ADCY5: variants seen among roughly 807,000 people sequenced by gnomAD.
ADCY5 encodes adenylate cyclase type 5.
In ADCY5, 30 loss-of-function variants were observed where a neutral mutation model predicts 119.7. The ratio of observed to expected loss-of-function variants is 0.25; its 90% CI spans 0.19 to 0.34. The LOEUF is 0.34. Ranked by LOEUF, ADCY5 falls within the 10% of genes least tolerant of loss-of-function variation. The pLI, the probability that ADCY5 is intolerant of heterozygous loss-of-function variation, is 1.00. For synonymous variants in ADCY5, 753 were observed against 762.2 expected, an observed-to-expected ratio of 0.99 and a Z score of 0.20; for missense variants, 1,324 against 1,775.2, an observed-to-expected ratio of 0.75 and a Z score of 4.57.
chr3:123,434,291 T>A (rs1576694780), intron 1 of ADCY5, among the ~76,000 whole-genome samples: 1 of 152,356 alleles, frequency 6.6e-6, no homozygotes, highest in Non-Finnish European at 1.5e-5. Flanking sequence ...CACATCAGCA[T>A]CACAGGTCTG....
chr3:123,433,008 G>A (rs1576694056), intron 1 of ADCY5, among the ~76,000 whole-genome samples: 1 of 152,174 alleles, frequency 6.6e-6, no homozygotes, highest in African/African-American at 2.4e-5. Context: ...GGCAAGTAGG[G>A]ATCTAAAAAT....
At chr3:123,421,504 T>C (rs113865553) in intron 1 of ADCY5, among the ~76,000 whole-genome samples, 4 of 152,266 alleles carry the variant, frequency 2.6e-5, no homozygotes, top group African/African-American at 9.6e-5. Context: ...TAGTCCTAAA[T>C]CTAGTACCTG....
intron 19 of ADCY5, chr3:123,287,024 C>T (rs1229893685): frequency 1.1e-5 from 6 of 548,318 alleles, no homozygotes; most frequent in African/African-American, 1.9e-5. Context: ...CCTGTGTCCT[C>T]GACACCCCTC....
chr3:123,303,156 G>A lies in ADCY5; in HGVS notation c.2623C>T (p.Gln875Ter), dbSNP rs775132310. 1 of 1,613,916 alleles carries A rather than the reference G, an allele frequency of 6.2e-7. No homozygotes were observed. The highest frequency in any genetic ancestry group is 1.7e-5 in the Admixed American group (1 of 60,030). The stretch of plus-strand genomic sequence containing the variant: ...TCCGCCACGTGACACGCGTTGACCT[G>A]GCTCGCGCTGATGTTGTGCTCCTGT... ...LAQEHNISAS[Q>*]VNACHVAESA... The change falls in exon 14 of 21, where the codon CAG becomes TAG. Residue 875 changes from glutamine (Q) to a stop codon, truncating the protein, a stop_gained. Transcript: ENST00000462833. LOFTEE classifies it high-confidence loss of function.
chr3:123,395,238 A>T (rs1301548751), intron 1 of ADCY5, among the ~76,000 whole-genome samples: 1 of 152,148 alleles, frequency 6.6e-6, no homozygotes, highest in East Asian at 1.9e-4. Context: ...AGGCCTCCCA[A>T]ATTGGTCTCC....
At chr3:123,437,550 A>G (rs1267612422) in intron 1 of ADCY5, among the ~76,000 whole-genome samples, 1 of 152,136 alleles carries the variant, frequency 6.6e-6, no homozygotes, top group Non-Finnish European at 1.5e-5. Flanking sequence ...CGGAATAAAA[A>G]ATGTCTTCCT....
chr3:123,385,881 A>G (rs998077287), intron 1 of ADCY5, among the ~76,000 whole-genome samples: 1 of 152,176 alleles, frequency 6.6e-6, no homozygotes, highest in Non-Finnish European at 1.5e-5. Context: ...GCTGAGAATC[A>G]TCGTCACCAC....
At chr3:123,296,483 G>A (rs1270490018) in intron 16 of ADCY5, among the ~76,000 whole-genome samples, 1 of 152,144 alleles carries the variant, frequency 6.6e-6, no homozygotes, top group Non-Finnish European at 1.5e-5. Flanking sequence ...CATCACTCGG[G>A]AGCTCCCCTC....
chr3:123,398,636 C>T (rs1944669009), intron 1 of ADCY5, among the ~76,000 whole-genome samples: 1 of 152,108 alleles, frequency 6.6e-6, no homozygotes, highest in Non-Finnish European at 1.5e-5. Flanking sequence ...ATATTTCTAC[C>T]CCTACACACA....
At chr3:123,410,607 C>T (rs1235448119) in intron 1 of ADCY5, among the ~76,000 whole-genome samples, 2 of 152,136 alleles carry the variant, frequency 1.3e-5, no homozygotes, top group Admixed American at 6.6e-5. Context: ...AAAATAAAGG[C>T]TCAACAATGG....
intron 1 of ADCY5, among the ~76,000 whole-genome samples, chr3:123,358,819 A>G (rs1422872803): frequency 6.6e-6 from 1 of 152,184 alleles, no homozygotes; most frequent in Non-Finnish European, 1.5e-5. Context: ...GGCTGCCCGC[A>G]GGCTGCAGGT....
intron 1 of ADCY5, among the ~76,000 whole-genome samples, chr3:123,355,968 T>C (rs868566985): frequency 7.9e-5 from 12 of 152,226 alleles, no homozygotes; most frequent in African/African-American, 2.7e-4. Flanking sequence ...GGTAGAAATA[T>C]AGATATATGG....
intron 1 of ADCY5, among the ~76,000 whole-genome samples, chr3:123,439,809 T>G (rs111834386): frequency 6.6e-6 from 1 of 152,168 alleles, no homozygotes; most frequent in East Asian, 1.9e-4. Context: ...TATTATAAGG[T>G]AGGCACCTAA....
At chr3:123,446,911 TAGAC>T (rs1246387221) in intron 1 of ADCY5, among the ~76,000 whole-genome samples, 2 of 152,160 alleles carry the variant, frequency 1.3e-5, no homozygotes, top group African/African-American at 4.8e-5. Flanking sequence ...TCCCCAGCCT[TAGAC>T]AGGTGGCAGG....
chr3:123,431,320 C>G (rs1355258597), intron 1 of ADCY5, among the ~76,000 whole-genome samples: 2 of 152,152 alleles, frequency 1.3e-5, no homozygotes, highest in East Asian at 3.9e-4. Context: ...ATCATATCCC[C>G]CCTACTCAGG....
chr3:123,333,093 G>C (rs906322034), intron 3 of ADCY5, among the ~76,000 whole-genome samples: 1 of 152,172 alleles, frequency 6.6e-6, no homozygotes, highest in Non-Finnish European at 1.5e-5. Flanking sequence ...GATGGTATTA[G>C]GTGGGGCCTT....
chr3:123,439,434 G>C (rs1233015303), intron 1 of ADCY5, among the ~76,000 whole-genome samples: 2 of 152,040 alleles, frequency 1.3e-5, no homozygotes, highest in Non-Finnish European at 2.9e-5. Flanking sequence ...CATACGCTGA[G>C]GTTGCTAAGA....
At chr3:123,346,598 A>T (rs1157796056) in intron 3 of ADCY5, among the ~76,000 whole-genome samples, 2 of 94,434 alleles carry the variant, frequency 2.1e-5, no homozygotes, top group Non-Finnish European at 5.4e-5. Flanking sequence ...TACTGCTGTC[A>T]GCCTCACCTT....
At chr3:123,387,170 T>C (rs982296218) in intron 1 of ADCY5, among the ~76,000 whole-genome samples, 4 of 152,208 alleles carry the variant, frequency 2.6e-5, no homozygotes. Context: ...CAGACACATG[T>C]ATGTGTATAC....
Sources: gnomAD v4.1 joint callset for allele counts (sites outside exome capture counted in the v4.1 genomes callset) on GRCh38, gnomAD v4.1.1 for gene constraint, MANE v1.5 for transcripts, NCBI Gene and HGNC (gene_info 2026-07-23, HGNC 2026-07-21) for gene names.